SLC25A24: variants seen among roughly 807,000 people sequenced by gnomAD.
SLC25A24 encodes mitochondrial adenyl nucleotide antiporter SLC25A24.
A neutral mutation model predicts 60.7 loss-of-function variants in SLC25A24; 49 were observed. That is an observed-to-expected ratio of 0.81 (90% CI 0.64 to 1.02). The LOEUF (loss-of-function observed/expected upper bound fraction) is 1.02, where lower values mean the gene tolerates loss of function less well. Among genes scored for constraint, SLC25A24 ranks in the 50% least tolerant of loss-of-function variants. SLC25A24 has a pLI of 0.00. For synonymous variants in SLC25A24, 202 were observed against 200.6 expected (o/e 1.01, Z -0.06); for missense variants, 564 against 586.3 (o/e 0.96, Z 0.39).
At chr1:108,162,666 T>G (rs1232941923) in intron 3 of SLC25A24, among the ~76,000 whole-genome samples, 2 of 152,156 alleles carry the variant, frequency 1.3e-5, no homozygotes, top group Non-Finnish European at 2.9e-5. Context: ...GTAAATTTGT[T>G]TGAGTTCATT....
rs527608920 is a variant in SLC25A24 at position 108,168,107 on chromosome 1, G to A, written c.399-6814C>T. On this transcript the variant is annotated intron_variant, in intron 3 of 9. Transcript: ENST00000565488. ...TCCTACAAATTTTATTCTATAATTA[G>A]TATGAAAATGATGCAAAAGGATGGC... Among the ~76,000 whole-genome samples the A allele has an allele frequency of 2.6e-5, 4 of 152,258 alleles. No homozygotes were observed. The East Asian group carries it at 7.7e-4, about 29-fold the overall frequency.
intron 3 of SLC25A24, among the ~76,000 whole-genome samples, chr1:108,166,289 A>G (rs1431946637): frequency 2.7e-5 from 4 of 149,682 alleles, no homozygotes; most frequent in African/African-American, 4.9e-5. Context: ...TGCTCTTCTC[A>G]AGGAGTATCT....
chr1:108,161,506 A>T (rs1417630392), intron 3 of SLC25A24, among the ~76,000 whole-genome samples: 1 of 152,200 alleles, frequency 6.6e-6, no homozygotes, highest in Non-Finnish European at 1.5e-5. Context: ...AATGGGCCCA[A>T]AAATTACAGC....
intron 1 of SLC25A24, among the ~76,000 whole-genome samples, chr1:108,189,274 T>C (rs185593704): frequency 1.7e-4 from 26 of 152,292 alleles, no homozygotes; most frequent in African/African-American, 6.3e-4. Context: ...TTATCCACAG[T>C]TTCACTCTCT....
At chr1:108,160,963 TG>T (rs1328542350) in intron 4 of SLC25A24, among the ~76,000 whole-genome samples, 1 of 150,592 alleles carries the variant, frequency 6.6e-6, no homozygotes, top group African/African-American at 2.4e-5. Flanking sequence ...AGGGAGACCG[TG>T]GGGAGGGGGA....
At chr1:108,146,911 A>C (rs1226525512) in intron 7 of SLC25A24, among the ~76,000 whole-genome samples, 1 of 152,224 alleles carries the variant, frequency 6.6e-6, no homozygotes, top group Non-Finnish European at 1.5e-5. Context: ...TTTTAGTATC[A>C]GAATGATGCT....
rs1679249363 is a variant in SLC25A24, at chr1:108,135,155, A to G, written c.*1498T>C. ...TTACTCAAAAGTACAAATAACCCTA[A>G]AAGTAGAATCCCAGGCTTATCATAT... On this transcript the variant is annotated 3_prime_UTR_variant, in exon 10 of 10. Transcript: ENST00000565488. 6.6e-6 allele frequency: 1 copy of G among 152,572 alleles called. No homozygotes were observed. Among genetic ancestry groups the G allele is most frequent in the African/African-American group, 2.4e-5 (1 of 41,458 alleles). The allele number at this position is 152,572 out of a possible 1,614,324, so 9.5% of individuals were successfully genotyped here.
At chr1:108,144,396 G>A (rs1032307198) in intron 7 of SLC25A24, among the ~76,000 whole-genome samples, 3 of 151,890 alleles carry the variant, frequency 2.0e-5, no homozygotes, top group Non-Finnish European at 2.9e-5. Context: ...ATTAGGTCTC[G>A]GTTGTATATT....
rs138964983 is a variant in SLC25A24 at position 108,175,892 on chromosome 1, G to A, written c.398+6049C>T. Among the ~76,000 whole-genome samples, 57 of 152,064 alleles carry A rather than the reference G, an allele frequency of 3.7e-4. 1 individual carries two copies. The East Asian group carries it at 8.5e-3, about 23-fold the overall frequency. On this transcript the variant is annotated intron_variant, in intron 3 of 9. Transcript: ENST00000565488. Reference sequence around the variant, plus strand: ...CTCTAGACAGGCTGACTGTTGAAGGGCATTCTCAGACAAAGCCAGTCTGCA... The same window carrying A: ...CTCTAGACAGGCTGACTGTTGAAGGACATTCTCAGACAAAGCCAGTCTGCA...
intron 1 of SLC25A24, among the ~76,000 whole-genome samples, chr1:108,196,158 T>C (rs12118280): frequency 0.22 from 34,075 of 152,086 alleles, 4,626 homozygotes; most frequent in East Asian, 0.47. Flanking sequence ...TTTCTGTGAT[T>C]GTAAATGTAA....
intron 3 of SLC25A24, among the ~76,000 whole-genome samples, chr1:108,164,809 T>C (rs1238843437): frequency 1.0e-5 from 1 of 96,160 alleles, no homozygotes; most frequent in Non-Finnish European, 2.1e-5. Context: ...CTGCTCTGAT[T>C]TTAGTTATTT....
chr1:108,163,848 G>C (rs917846849), intron 3 of SLC25A24, among the ~76,000 whole-genome samples: 6 of 152,150 alleles, frequency 3.9e-5, no homozygotes, highest in Non-Finnish European at 8.8e-5. Flanking sequence ...AGTGGTGAGA[G>C]AGGGCATCCC....
chr1:108,170,001 G>A (rs1310957539), intron 3 of SLC25A24, among the ~76,000 whole-genome samples: 1 of 151,708 alleles, frequency 6.6e-6, no homozygotes, highest in Non-Finnish European at 1.5e-5. Flanking sequence ...TCCTGTTACT[G>A]CATCTTTGCT....
intron 4 of SLC25A24, 95 bp from the exon 5 acceptor site, chr1:108,157,715 A>AT: frequency 7.4e-7 from 1 of 1,354,766 alleles, no homozygotes; most frequent in Middle Eastern, 2.2e-4. Flanking sequence ...TTTTACAGTT[A>AT]ATATGAACTT....
intron 7 of SLC25A24, among the ~76,000 whole-genome samples, chr1:108,144,022 T>A (rs1679518077): frequency 6.6e-6 from 1 of 152,100 alleles, no homozygotes; most frequent in Admixed American, 6.6e-5. Context: ...GAAATGGTAG[T>A]ATAAAGGATA....
At chr1:108,145,591 A>G (rs1318609250) in intron 7 of SLC25A24, among the ~76,000 whole-genome samples, 1 of 150,820 alleles carries the variant, frequency 6.6e-6, no homozygotes, top group Non-Finnish European at 1.5e-5. Context: ...TTTTTTTTAT[A>G]AGGTGTAAGG....
At chr1:108,138,342 A>T (rs1228093994) in intron 9 of SLC25A24, among the ~76,000 whole-genome samples, 1 of 152,204 alleles carries the variant, frequency 6.6e-6, no homozygotes, top group East Asian at 1.9e-4. Context: ...GGTTGGGAAT[A>T]GAGCTGTAGA....
rs978650398 is a variant in SLC25A24 at position 108,134,506 on chromosome 1, TC to T, written c.*2146del. ...GCCTGGCCAATCCTGAGGCTCTGGG[TC>T]CCCCTTGGTACTGTGAACCCCAGGG... On this transcript the variant is annotated 3_prime_UTR_variant, in exon 10 of 10. Transcript: ENST00000565488. 1.3e-5 allele frequency: 2 copies of T among 152,098 alleles called. No individual in the cohort carries two copies. The highest frequency in any genetic ancestry group is 4.8e-5 in the African/African-American group (2 of 41,394). The allele number at this position is 152,098 out of a possible 1,614,324, so 9.4% of individuals were successfully genotyped here.
intron 4 of SLC25A24, among the ~76,000 whole-genome samples, chr1:108,160,303 A>G (rs1680031604): frequency 1.3e-5 from 2 of 148,164 alleles, no homozygotes; most frequent in South Asian, 4.3e-4. Flanking sequence ...GACGCTCCTC[A>G]CTTCCTAGAT....
Sources: allele counts gnomAD v4.1 joint callset (sites outside exome capture counted in the v4.1 genomes callset), GRCh38; gene constraint gnomAD v4.1.1; transcripts MANE v1.5; gene names NCBI Gene and HGNC (gene_info 2026-07-23, HGNC 2026-07-21).